The following SORCS2 variants were observed in gnomAD, a reference collection of about 807,000 sequenced individuals.
The protein encoded by SORCS2 is VPS10 domain-containing receptor SorCS2.
In SORCS2, 100 loss-of-function variants were observed where a neutral mutation model predicts 141.6. The ratio of observed to expected loss-of-function variants is 0.71; its 90% CI spans 0.60 to 0.83. SORCS2 has a LOEUF of 0.83. SORCS2 is among the 40% of genes least tolerant of loss of function. SORCS2 has a pLI of 0.00. For missense variants in SORCS2, 1,646 were observed against 1,560.2 expected (o/e 1.05, Z -0.93); for synonymous variants, 789 against 676.9 (o/e 1.17, Z -2.57).
chr4:7,550,479 A>G (rs1265576929), intron 3 of SORCS2, among the ~76,000 whole-genome samples: 2 of 152,220 alleles, frequency 1.3e-5, no homozygotes, highest in African/African-American at 4.8e-5. Context: ...TGATCGGCAG[A>G]CACCAACGCA....
chr4:7,512,041 C>A (rs28704787), intron 2 of SORCS2, among the ~76,000 whole-genome samples: 89,848 of 152,032 alleles, frequency 0.59, 27,721 homozygotes, highest in East Asian at 0.76. Context: ...ACACAGACAG[C>A]ACACTGGTGC....
chr4:7,605,042 A>G (rs143310731), intron 3 of SORCS2, among the ~76,000 whole-genome samples: 545 of 152,326 alleles, frequency 3.6e-3, no homozygotes, highest in Non-Finnish European at 5.8e-3. Flanking sequence ...ATAGAAGCGT[A>G]TTTCTCTCTC....
intron 1 of SORCS2, among the ~76,000 whole-genome samples, chr4:7,364,278 T>C (rs1721752510): frequency 6.6e-6 from 1 of 152,208 alleles, no homozygotes; most frequent in Admixed American, 6.5e-5. Flanking sequence ...CTGAATCCAC[T>C]CTCAGGCAGC....
intron 2 of SORCS2, chr4:7,433,814 G>A (rs1727070919): frequency 6.2e-7 from 1 of 1,613,804 alleles, no homozygotes; most frequent in South Asian, 1.1e-5. Context: ...ACCTTCTCTG[G>A]GGTGATTTTG....
chr4:7,724,148 G>C (rs547480833), intron 19 of SORCS2, among the ~76,000 whole-genome samples: 5 of 81,132 alleles, frequency 6.2e-5, no homozygotes, highest in Admixed American at 1.8e-4. Context: ...GGTGATGGTC[G>C]TGGTGGTGGT....
At chr4:7,540,600 G>A (rs865961774) in intron 3 of SORCS2, among the ~76,000 whole-genome samples, 1 of 152,198 alleles carries the variant, frequency 6.6e-6, no homozygotes, top group African/African-American at 2.4e-5. Context: ...ATGCTTTGGC[G>A]CTGCGCTGCA....
At chr4:7,631,356 A>T (rs6851094) in intron 3 of SORCS2, among the ~76,000 whole-genome samples, 1 of 151,130 alleles carries the variant, frequency 6.6e-6, no homozygotes, top group African/African-American at 2.4e-5. Context: ...AGAGAAGGGC[A>T]TCCAGGCCTC....
At chr4:7,467,409 G>A (rs1729683697) in intron 2 of SORCS2, among the ~76,000 whole-genome samples, 1 of 152,182 alleles carries the variant, frequency 6.6e-6, no homozygotes, top group African/African-American at 2.4e-5. Flanking sequence ...TCTGGGTTGG[G>A]TGATCAAGGA....
At chr4:7,515,349 C>T (rs1732906437) in intron 2 of SORCS2, among the ~76,000 whole-genome samples, 1 of 152,206 alleles carries the variant, frequency 6.6e-6, no homozygotes, top group Admixed American at 6.5e-5. Flanking sequence ...GAGACTGGGT[C>T]AGGGGCGGAT....
rs117325296 is a variant in SORCS2, at chr4:7,497,781, G to A, written c.549-33749G>A. Among the ~76,000 whole-genome samples the A allele has an allele frequency of 3.3e-5, 5 of 152,392 alleles. No homozygotes were observed. The East Asian group carries it at 9.7e-4, about 29-fold the overall frequency. On this transcript the variant is annotated intron_variant, in intron 2 of 26. Transcript: ENST00000507866. ...GTGAGTTGCCCAAGGTGACTCCCTT[G>A]TGGGAGAACCAGGCCTGGACCCAGA...
At position 7,239,334 on chromosome 4, in the gene SORCS2, G is replaced by A. The variant is rs565302712; in HGVS notation, c.480+46208G>A. Among the ~76,000 whole-genome samples, 312 of 152,358 alleles carry A rather than the reference G, an allele frequency of 2.0e-3. 1 individual carries two copies. The highest frequency in any genetic ancestry group is 6.8e-3 in the Middle Eastern group (2 of 294). ...CAGGGCTGTGGCCGGGAGGGCCCCCGACCTCCTTTGGACTGCCAGGAGCAG... is the reference window on the plus strand; with the variant it reads ...CAGGGCTGTGGCCGGGAGGGCCCCCAACCTCCTTTGGACTGCCAGGAGCAG... On this transcript the variant is annotated intron_variant, in intron 1 of 26. Coordinates refer to ENST00000507866, the MANE Select transcript of SORCS2 (RefSeq NM_020777.3).
At chr4:7,694,596 G>A (rs1025871019) in intron 11 of SORCS2, among the ~76,000 whole-genome samples, 9 of 152,226 alleles carry the variant, frequency 5.9e-5, no homozygotes, top group Non-Finnish European at 1.3e-4. Context: ...CCTGTGATGC[G>A]TGTGTCCCAG....
intron 11 of SORCS2, among the ~76,000 whole-genome samples, chr4:7,695,185 G>A (rs946173964): frequency 6.0e-5 from 9 of 150,130 alleles, no homozygotes; most frequent in African/African-American, 2.2e-4. Context: ...TGATCAATTG[G>A]ATGGATATTA....
intron 2 of SORCS2, among the ~76,000 whole-genome samples, chr4:7,525,044 G>C (rs906736983): frequency 1.4e-4 from 22 of 152,224 alleles, no homozygotes; most frequent in Admixed American, 1.4e-3. Flanking sequence ...AGAGGCAAAG[G>C]CCGGGCACGC....
At chr4:7,453,634 G>C (rs1477090702) in intron 2 of SORCS2, among the ~76,000 whole-genome samples, 1 of 130,060 alleles carries the variant, frequency 7.7e-6, no homozygotes, top group Non-Finnish European at 1.6e-5. Context: ...TGCTGTGTTG[G>C]GGTCAGGCAC....
intron 1 of SORCS2, among the ~76,000 whole-genome samples, chr4:7,253,703 C>A (rs1025143087): frequency 6.6e-6 from 1 of 152,220 alleles, no homozygotes; most frequent in African/African-American, 2.4e-5. Context: ...GAGAGGTGCC[C>A]AGCTCCTGAG....
intron 1 of SORCS2, among the ~76,000 whole-genome samples, chr4:7,273,077 A>G (rs1340766922): frequency 6.6e-6 from 1 of 152,262 alleles, no homozygotes; most frequent in Non-Finnish European, 1.5e-5. Flanking sequence ...AGTGGGCTTT[A>G]GAACATGAGC....
chr4:7,435,773 C>G (rs546092710), intron 2 of SORCS2, among the ~76,000 whole-genome samples: 1 of 152,236 alleles, frequency 6.6e-6, no homozygotes, highest in African/African-American at 2.4e-5. Flanking sequence ...TGGGTGAGCA[C>G]GCACAGGCGC....
chr4:7,440,498 AC>A (rs1727592451), intron 2 of SORCS2, among the ~76,000 whole-genome samples: 1 of 152,238 alleles, frequency 6.6e-6, no homozygotes, highest in Non-Finnish European at 1.5e-5. Flanking sequence ...GGAAGGGGTT[AC>A]CTTGTGTACA....
Sources: allele counts gnomAD v4.1 joint callset (sites outside exome capture counted in the v4.1 genomes callset), GRCh38; gene constraint gnomAD v4.1.1; transcripts MANE v1.5; gene names NCBI Gene and HGNC (gene_info 2026-07-23, HGNC 2026-07-21).